PDE4D: variants seen among roughly 807,000 people sequenced by gnomAD.
PDE4D encodes the protein 3',5'-cyclic-AMP phosphodiesterase 4D.
A neutral mutation model predicts 87.4 loss-of-function variants in PDE4D; 24 were observed. The ratio of observed to expected loss-of-function variants is 0.27; its 90% CI spans 0.20 to 0.39. The LOEUF (loss-of-function observed/expected upper bound fraction) is 0.39. Among genes scored for constraint, PDE4D ranks in the 10% least tolerant of loss-of-function variants. The probability of loss-of-function intolerance (pLI) is 1.00; values close to 1 mark genes in which losing one functional copy is unlikely to be tolerated. For synonymous variants in PDE4D, 384 were observed against 383.2 expected, an observed-to-expected ratio of 1.00 and a Z score of -0.02; for missense variants, 714 against 1,041.0, an observed-to-expected ratio of 0.69 and a Z score of 4.32.
chr5:59,381,190 C>T (rs193447), intron 1 of PDE4D, among the ~76,000 whole-genome samples: 30,020 of 152,162 alleles, frequency 0.2, 3,472 homozygotes, highest in East Asian at 0.43. Flanking sequence ...GCTTTGTGGT[C>T]CAGGTACAAA....
intron 1 of PDE4D, among the ~76,000 whole-genome samples, chr5:59,378,603 A>G (rs1785150494): frequency 6.6e-6 from 1 of 152,220 alleles, no homozygotes; most frequent in South Asian, 2.1e-4. Context: ...TGCTTATACT[A>G]TGTTCACCCT....
At chr5:59,596,210 A>C (rs1826659388) in intron 1 of PDE4D, among the ~76,000 whole-genome samples, 1 of 151,198 alleles carries the variant, frequency 6.6e-6, no homozygotes, top group African/African-American at 2.4e-5. Context: ...TGTTATTTAC[A>C]AATACATATA....
intron 1 of PDE4D, among the ~76,000 whole-genome samples, chr5:60,254,461 G>A (rs945508364): frequency 1.3e-5 from 2 of 152,048 alleles, no homozygotes; most frequent in African/African-American, 4.8e-5. Context: ...GTGGTTCCAA[G>A]AGCATATCTT....
intron 1 of PDE4D, among the ~76,000 whole-genome samples, chr5:59,695,532 G>A (rs541646473): frequency 3.3e-5 from 5 of 152,230 alleles, no homozygotes; most frequent in African/African-American, 1.2e-4. Flanking sequence ...GATGCATATT[G>A]GACCTTGAAG....
intron 1 of PDE4D, among the ~76,000 whole-genome samples, chr5:59,787,444 G>A (rs1765299646): frequency 6.6e-6 from 1 of 152,160 alleles, no homozygotes; most frequent in Admixed American, 6.5e-5. Context: ...TCAAACAGAA[G>A]GAATCACACC....
rs530605322 is a variant in PDE4D at position 59,928,416 on chromosome 5, G to A, written c.272+60072C>T. Among the ~76,000 whole-genome samples, 26 of 150,798 alleles carry A rather than the reference G, an allele frequency of 1.7e-4. No homozygotes were observed. In the East Asian group the frequency reaches 3.5e-3, roughly 20 times the overall value. On this transcript the variant is annotated intron_variant, in intron 3 of 16. Coordinates refer to the PDE4D transcript ENST00000502484. ...AACATCCTGAGACACCGTCTCTACC[G>A]AAAATACAAAAATTAGCCAGGTGTG...
chr5:60,339,413 G>A (rs1333676807), intron 1 of PDE4D, among the ~76,000 whole-genome samples: 1 of 152,010 alleles, frequency 6.6e-6, no homozygotes, highest in Non-Finnish European at 1.5e-5. Flanking sequence ...CTGGACAAAG[G>A]GATGCTACAC....
intron 1 of PDE4D, among the ~76,000 whole-genome samples, chr5:59,361,910 CTTAT>C (rs1782286960): frequency 6.6e-6 from 1 of 152,008 alleles, no homozygotes; most frequent in African/African-American, 2.4e-5. Flanking sequence ...TTAGGTAGGG[CTTAT>C]TTAGTTTCTT....
intron 2 of PDE4D, among the ~76,000 whole-genome samples, chr5:60,087,755 C>A (rs1185771823): frequency 6.6e-6 from 1 of 151,964 alleles, no homozygotes; most frequent in South Asian, 2.1e-4. Flanking sequence ...AAGGGGACAC[C>A]ATCAAGCAAA....
intron 1 of PDE4D, among the ~76,000 whole-genome samples, chr5:59,719,005 A>AT (rs913121981): frequency 6.7e-6 from 1 of 148,422 alleles, no homozygotes; most frequent in African/African-American, 2.6e-5. Context: ...CACTCTTAGA[A>AT]TTAAAAAAAA....
intron 1 of PDE4D, among the ~76,000 whole-genome samples, chr5:59,616,943 A>ATATATATATATATATATATATATC (rs1351290068): frequency 3.6e-5 from 5 of 139,158 alleles, no homozygotes; most frequent in Non-Finnish European, 7.8e-5. Flanking sequence ...ATATATATAT[A>ATATATATATATATATATATATATC]TATCTCCAAG....
intron 1 of PDE4D, among the ~76,000 whole-genome samples, chr5:59,443,926 CAA>C (rs1797995240): frequency 1.4e-5 from 2 of 146,266 alleles, no homozygotes; most frequent in Admixed American, 6.6e-5. Flanking sequence ...AGAGAGAAAA[CAA>C]GAGAAATAAA....
At chr5:60,236,661 G>A (rs1746466581) in intron 1 of PDE4D, among the ~76,000 whole-genome samples, 1 of 151,890 alleles carries the variant, frequency 6.6e-6, no homozygotes, top group Non-Finnish European at 1.5e-5. Context: ...AGATTATTTG[G>A]TTGGGGCTAC....
chr5:59,502,305 G>A (rs919730036), intron 1 of PDE4D, among the ~76,000 whole-genome samples: 4 of 152,104 alleles, frequency 2.6e-5, no homozygotes, highest in Non-Finnish European at 5.9e-5. Context: ...TTAAAGCAAA[G>A]AGAAAGAGGT....
intron 1 of PDE4D, among the ~76,000 whole-genome samples, chr5:59,468,935 G>A (rs535841227): frequency 1.3e-5 from 2 of 152,286 alleles, no homozygotes; most frequent in African/African-American, 4.8e-5. Context: ...GCTAACAGTT[G>A]TCTTCCTAAC....
At chr5:59,468,768 A>T (rs1801968480) in intron 1 of PDE4D, among the ~76,000 whole-genome samples, 1 of 152,222 alleles carries the variant, frequency 6.6e-6, no homozygotes, top group South Asian at 2.1e-4. Context: ...AACTGCCTAC[A>T]ATAATGGCTT....
At chr5:59,727,896 G>A (rs1756834538) in intron 1 of PDE4D, among the ~76,000 whole-genome samples, 1 of 152,086 alleles carries the variant, frequency 6.6e-6, no homozygotes, top group Non-Finnish European at 1.5e-5. Flanking sequence ...GGAAGGAAGA[G>A]AAATAAGAAG....
intron 1 of PDE4D, among the ~76,000 whole-genome samples, chr5:60,377,580 G>T (rs990553246): frequency 2.0e-5 from 3 of 152,100 alleles, no homozygotes; most frequent in Non-Finnish European, 4.4e-5. Flanking sequence ...GATCTCATGA[G>T]TGACCACTCA....
intron 1 of PDE4D, among the ~76,000 whole-genome samples, chr5:60,216,026 C>T (rs1743817861): frequency 6.6e-6 from 1 of 152,112 alleles, no homozygotes; most frequent in Non-Finnish European, 1.5e-5. Flanking sequence ...GGGAATTAAA[C>T]ATGAATTACT....
Sources: gnomAD v4.1 joint callset for allele counts (sites outside exome capture counted in the v4.1 genomes callset) on GRCh38, gnomAD v4.1.1 for gene constraint, MANE v1.5 for transcripts, NCBI Gene and HGNC (gene_info 2026-07-23, HGNC 2026-07-21) for gene names.